Variants in ATN1 observed in about 807,000 individuals in gnomAD.
The protein encoded by ATN1 is atrophin-1.
ATN1 carries 19 observed loss-of-function variants against 85.8 expected under a neutral mutation model. The observed-to-expected ratio is 0.22, with a 90% CI of 0.15 to 0.32. The LOEUF (loss-of-function observed/expected upper bound fraction) is 0.32. Ranked by LOEUF, ATN1 falls within the 10% of genes least tolerant of loss-of-function variation. The pLI, the probability that ATN1 is intolerant of heterozygous loss-of-function variation, is 1.00. For synonymous variants in ATN1, 674 were observed against 657.0 expected (o/e 1.03, Z -0.39); for missense variants, 1,453 against 1,564.5 (o/e 0.93, Z 1.20).
chr12:6,941,964 G>A lies in ATN1; in HGVS notation c.*184G>A, dbSNP rs1386517442. 2 of 633,042 alleles carry A rather than the reference G, an allele frequency of 3.2e-6. No homozygotes were observed. The highest frequency in any genetic ancestry group is 5.5e-5 in the East Asian group (2 of 36,636). The allele number at this position is 633,042 out of a possible 1,614,324, so 39.2% of individuals were successfully genotyped here. On this transcript the variant is annotated 3_prime_UTR_variant, in exon 10 of 10. Transcript: ENST00000396684. The surrounding 1 kb of genome is among the most constrained non-coding windows in gnomAD (Gnocchi z 5.9). ...ACAGAAGGCCAAGGCCCGATGTGGT[G>A]TGCAGAGGTGGGGAGGTGGCGAGGA...
In ATN1 at chr12:6,928,366, C is replaced by G. The variant is rs1334057464; in HGVS notation, c.-181C>G. The G allele has an allele frequency of 1.3e-5, 2 of 151,360 alleles. No individual in the cohort carries two copies. Among genetic ancestry groups the G allele is most frequent in the African/African-American group, 2.4e-5 (1 of 41,172 alleles). 9.4% of individuals were successfully genotyped at this position (151,360 alleles called of 1,614,324 possible). ...GGAATCCCGCTCGGAGCCAGCCAGC[C>G]GTCCCGAGCTACCAGCAGGTAAGGT... On this transcript the variant is annotated 5_prime_UTR_variant, in exon 1 of 10. Coordinates refer to ENST00000396684, the MANE Select transcript of ATN1 (RefSeq NM_001940.4).
At chr12:6,930,318 G>A (rs1945443776) in intron 1 of ATN1, among the ~76,000 whole-genome samples, 1 of 152,250 alleles carries the variant, frequency 6.6e-6, no homozygotes, top group East Asian at 1.9e-4. Flanking sequence ...ATGATGTTGG[G>A]GGCTGGGCCA....
In ATN1 at chr12:6,933,431, C is replaced by T. The variant is rs140595358; in HGVS notation, c.-162-409C>T. Among the ~76,000 whole-genome samples, 36 of 152,158 alleles carry T rather than the reference C, an allele frequency of 2.4e-4. No individual in the cohort carries two copies. The East Asian group carries it at 6.4e-3, about 27-fold the overall frequency. On this transcript the variant is annotated intron_variant, in intron 1 of 9. Coordinates refer to ENST00000396684, the MANE Select transcript of ATN1 (RefSeq NM_001940.4). Reference sequence around the variant, plus strand: ...GGTCTTGAACTCCTGACCTTGTGGTCCATCCACCTAGGCCTCCCAAAGTGC... The same window carrying T: ...GGTCTTGAACTCCTGACCTTGTGGTTCATCCACCTAGGCCTCCCAAAGTGC...
At chr12:6,926,242 C>T (rs782672304), upstream of ATN1, among the ~76,000 whole-genome samples, 1 of 152,250 alleles carries the variant, frequency 6.6e-6, no homozygotes, top group South Asian at 2.1e-4. Flanking sequence ...GATTTGGGTC[C>T]ACATTAAGCC....
At chr12:6,939,358 C>G (rs965056731) in intron 7 of ATN1, among the ~76,000 whole-genome samples, 181 bp downstream of exon 7, 1 of 152,220 alleles carries the variant, frequency 6.6e-6, no homozygotes, top group East Asian at 1.9e-4. Flanking sequence ...CATGGCCTTC[C>G]CTGGCCACAA....
intron 1 of ATN1, among the ~76,000 whole-genome samples, chr12:6,933,364 G>A (rs1345320570): frequency 2.0e-5 from 3 of 151,926 alleles, no homozygotes; most frequent in South Asian, 2.1e-4. Flanking sequence ...TTACAGGCAC[G>A]TGCCACCACG....
Position 6,939,245 on chromosome 12 carries a change from C to T in ATN1, c.3214+68C>T, listed in dbSNP as rs782669234. 5.3e-5 allele frequency: 79 copies of T among 1,497,160 alleles called. No homozygotes were observed. The African/African-American group carries it at 9.9e-4, about 19-fold the overall frequency. The allele number at this position is 1,497,160 out of a possible 1,614,324, so 92.7% of individuals were successfully genotyped here. A position where few individuals can be genotyped will look rare whatever the true frequency, so the allele number is the denominator to read the frequency against. ...TCCCCCTATCATGACTGGGCTCTTT[C>T]ATTCCTATGGCCAAGACTTTCCTCC... On this transcript the variant is annotated intron_variant, in intron 7 of 9. Coordinates refer to ENST00000396684, the MANE Select transcript of ATN1 (RefSeq NM_001940.4).
chr12:6,927,903 G>T (rs782375134), upstream of ATN1, among the ~76,000 whole-genome samples: 2 of 151,390 alleles, frequency 1.3e-5, no homozygotes, highest in South Asian at 2.1e-4. Flanking sequence ...GCGGCTTCGG[G>T]GAGGGGCTAG....
At chr12:6,938,301 T>A (rs1468762171) in intron 6 of ATN1, among the ~76,000 whole-genome samples, 180 bp from the exon 7 acceptor site, 1 of 152,220 alleles carries the variant, frequency 6.6e-6, no homozygotes, top group Non-Finnish European at 1.5e-5. Context: ...TGGGACTACC[T>A]GTGGATCCCA....
In ATN1 at chr12:6,936,434, TTCTTCCTCC is replaced by T. The variant is rs781812272; in HGVS notation, c.1176_1184del (p.Ser393_Ser395del). On this transcript the variant is annotated inframe_deletion, in exon 5 of 10. Transcript: ENST00000396684. ...GCTCTGCAGCAGCCTCCTCTTCCAGTTCTTCCTCCTCTTCCTCTGCCTCCCCCTTCCCAG... is the reference window on the plus strand; with the variant it reads ...GCTCTGCAGCAGCCTCCTCTTCCAGTTCTTCCTCTGCCTCCCCCTTCCCAG... The T allele has an allele frequency of 3.1e-6, 5 of 1,611,816 alleles. No homozygotes were observed. In the East Asian group the frequency reaches 8.9e-5, roughly 29 times the overall value.
Position 6,935,896 on chromosome 12 carries a change from C to T in ATN1, c.629C>T (p.Pro210Leu), listed in dbSNP as rs782639608. ...ACATCTCGAATGTTCCAGGCTCCTC[C>T]TGGGGCCCCTCCCCCTCACCCACAG... ...PPTSRMFQAPPGAPPPHPQLY... is the reference protein window; with the variant it reads ...PPTSRMFQAPLGAPPPHPQLY... Residue 210 changes from proline to leucine, a missense_variant, in exon 5 of 10, where the codon CCT becomes CTT. Coordinates refer to ENST00000396684, the MANE Select transcript of ATN1 (RefSeq NM_001940.4). The surrounding 1 kb of genome is among the most constrained non-coding windows in gnomAD (Gnocchi z 5.3). 6.2e-7 allele frequency: 1 copy of T among 1,612,340 alleles called. No individual in the cohort carries two copies. The highest frequency in any genetic ancestry group is 2.2e-5 in the East Asian group (1 of 44,876).
chr12:6,928,864 G>A (rs1945430019), intron 1 of ATN1, among the ~76,000 whole-genome samples: 1 of 152,174 alleles, frequency 6.6e-6, no homozygotes, highest in Non-Finnish European at 1.5e-5. Context: ...GGGGTTGGGG[G>A]CTTTAGGAAT....
In ATN1 at chr12:6,938,063, G is replaced by T; in HGVS notation, c.2513G>T (p.Ser838Ile). 1 of 1,543,488 alleles carries T rather than the reference G, an allele frequency of 6.5e-7. No homozygotes were observed. The highest frequency in any genetic ancestry group is 8.7e-7 in the Non-Finnish European group (1 of 1,145,402). ...GAGAAGGAGCGCGAGCTTGAACGCAGCGTGGTGAGTGCGTCACTGCCTGCG... is the reference window on the plus strand; with the variant it reads ...GAGAAGGAGCGCGAGCTTGAACGCATCGTGGTGAGTGCGTCACTGCCTGCG... ...EREKERELER[S>I]VKLAQEGRAP... The change falls in exon 6 of 10, where the codon AGC becomes ATC. Residue 838 changes from serine (S) to isoleucine (I), a missense_variant. This residue lies in a region of ATN1 where 990 missense variants were observed against 914.8 expected (regional missense o/e 1.08). Coordinates refer to ENST00000396684, the MANE Select transcript of ATN1 (RefSeq NM_001940.4).
In ATN1 at chr12:6,937,331, C is replaced by A. The variant is rs1416081066; in HGVS notation, c.2064C>A (p.Gly688=). ...PPAGPGTFKP[G]SPTVGPGPLP... is the part of the protein sequence containing the mutation. ...CAGGCCCAGGGACCTTCAAGCCGGG[C>A]TCGCCCACCGTGGGACCTGGGCCCC... Residue 688 remains glycine (G), a synonymous_variant, in exon 5 of 10, where the codon GGC becomes GGA. Coordinates refer to ENST00000396684, the MANE Select transcript of ATN1 (RefSeq NM_001940.4). The surrounding 1 kb of genome is among the most constrained non-coding windows in gnomAD (Gnocchi z 6.0). 10 of 1,560,944 alleles carry A rather than the reference C, an allele frequency of 6.4e-6. No homozygotes were observed. The highest frequency in any genetic ancestry group is 8.7e-6 in the Non-Finnish European group (10 of 1,154,352).
chr12:6,936,183 GC>G lies in ATN1; in HGVS notation c.919del (p.Leu307Ter), dbSNP rs1945530090. On this transcript the variant is annotated frameshift_variant, in exon 5 of 10. Coordinates refer to ENST00000396684, the MANE Select transcript of ATN1 (RefSeq NM_001940.4). LOFTEE classifies it high-confidence loss of function. ...GACACCGAACCTGCCTCCCCCACCTGCCCTGAGACCCCTCAACAATGCATCA... is the reference window on the plus strand; with the variant it reads ...GACACCGAACCTGCCTCCCCCACCTGCCTGAGACCCCTCAACAATGCATCA... ...HVTPNLPPPP[A>X]LRPLNNASAS... 6.4e-7 allele frequency: 1 copy of G among 1,561,996 alleles called. No homozygotes were observed. Among genetic ancestry groups the G allele is most frequent in the Non-Finnish European group, 8.7e-7 (1 of 1,153,724 alleles).
chr12:6,929,361 C>T (rs1945434864), intron 1 of ATN1, among the ~76,000 whole-genome samples: 2 of 152,238 alleles, frequency 1.3e-5, no homozygotes, highest in South Asian at 2.1e-4. Flanking sequence ...TCCCTTTGTG[C>T]ATGGGCTTAT....
At chr12:6,925,141 T>TGTGAGA (rs1445451270), upstream of ATN1, among the ~76,000 whole-genome samples, 63 of 147,654 alleles carry the variant, frequency 4.3e-4, no homozygotes, top group Admixed American at 1.2e-3. Context: ...TGTGTGTGTG[T>TGTGAGA]GAGAGAGAGA....
In ATN1 at chr12:6,936,130, C is replaced by T. The variant is rs782326576; in HGVS notation, c.863C>T (p.Ala288Val). 8 of 1,531,954 alleles carry T rather than the reference C, an allele frequency of 5.2e-6. No individual in the cohort carries two copies. In the African/African-American group the frequency reaches 1.1e-4, roughly 21 times the overall value. 94.9% of individuals were successfully genotyped at this position (1,531,954 alleles called of 1,614,324 possible). A position where few individuals can be genotyped will look rare whatever the true frequency, so the allele number is the denominator to read the frequency against. ...TPVGGGNLPS[A>V]PPPANFPHVT... ...GTGGGTGGTGGGAACCTACCTTCTG[C>T]TCCACCACCAGCCAACTTCCCCCAT... The change falls in exon 5 of 10, where the codon GCT (alanine) becomes GTT (valine). Residue 288 changes from alanine to valine, a missense_variant. Around this residue, in one of 6 missense-constraint regions of ATN1, gnomAD observed 990 missense variants for 914.8 expected, o/e 1.08. Transcript: ENST00000396684.
At chr12:6,927,921 G>A (rs1555142750), upstream of ATN1, among the ~76,000 whole-genome samples, 2 of 151,120 alleles carry the variant, frequency 1.3e-5, no homozygotes, top group East Asian at 3.9e-4. Context: ...TAGGAGGGGG[G>A]AGAGGGAGCC....
Sources: gnomAD v4.1 joint callset for allele counts (sites outside exome capture counted in the v4.1 genomes callset) on GRCh38, gnomAD v4.1.1 for gene constraint, gnomAD v4.1.1 regional missense constraint, Gnocchi (gnomAD v3.1) non-coding constraint, MANE v1.5 for transcripts, NCBI Gene and HGNC (gene_info 2026-07-23, HGNC 2026-07-21) for gene names.